The following LMTK2 variants were observed in gnomAD, a reference collection of about 807,000 sequenced individuals.
LMTK2 encodes the protein serine/threonine-protein kinase LMTK2.
In LMTK2, 37 loss-of-function variants were observed where a neutral mutation model predicts 127.5. The observed-to-expected ratio is 0.29, with a 90% CI of 0.22 to 0.38. LMTK2 has a LOEUF of 0.38. Among genes scored for constraint, LMTK2 ranks in the 10% least tolerant of loss-of-function variants. LMTK2 has a pLI of 1.00. For missense variants in LMTK2, 1,694 were observed against 1,920.3 expected, an observed-to-expected ratio of 0.88 and a Z score of 2.20; for synonymous variants, 819 against 810.1, an observed-to-expected ratio of 1.01 and a Z score of -0.19.
chr7:98,162,861 A>C (rs1206465123), intron 6 of LMTK2, among the ~76,000 whole-genome samples: 3 of 152,240 alleles, frequency 2.0e-5, no homozygotes, highest in South Asian at 4.1e-4. Context: ...CACTATTCAC[A>C]GTAGCTGGGA....
intron 1 of LMTK2, among the ~76,000 whole-genome samples, chr7:98,110,394 G>A (rs1043640119): frequency 2.0e-5 from 3 of 152,024 alleles, no homozygotes; most frequent in Non-Finnish European, 2.9e-5. Context: ...CGCCCGCCCC[G>A]TCTAGGAGCC....
intron 1 of LMTK2, among the ~76,000 whole-genome samples, chr7:98,135,966 C>A (rs1377090376): frequency 6.6e-6 from 1 of 151,888 alleles, no homozygotes; most frequent in African/African-American, 2.4e-5. Flanking sequence ...CTGTAGTCTG[C>A]AGGCCGCCTC....
intron 11 of LMTK2, among the ~76,000 whole-genome samples, chr7:98,199,864 T>C (rs1270147728): frequency 6.6e-6 from 1 of 152,224 alleles, no homozygotes; most frequent in East Asian, 1.9e-4. Flanking sequence ...CCTGTATCAT[T>C]ATATTTGACA....
intron 1 of LMTK2, among the ~76,000 whole-genome samples, chr7:98,112,636 C>T (rs1796218850): frequency 6.6e-6 from 1 of 152,114 alleles, no homozygotes; most frequent in Non-Finnish European, 1.5e-5. Flanking sequence ...AGGTACAGTG[C>T]CCAGTCCTTG....
intron 7 of LMTK2, among the ~76,000 whole-genome samples, chr7:98,173,456 T>A (rs1797225282): frequency 6.6e-6 from 1 of 152,162 alleles, no homozygotes; most frequent in Non-Finnish European, 1.5e-5. Context: ...CTAGCATAAT[T>A]TATATTGTTA....
Position 98,203,993 on chromosome 7 carries a change from A to G in LMTK2, c.4290A>G (p.Ser1430=). 1.9e-6 allele frequency: 3 copies of G among 1,614,094 alleles called. No individual in the cohort carries two copies. Among genetic ancestry groups the G allele is most frequent in the South Asian group, 2.2e-5 (2 of 91,078 alleles). ...ACTTCTCCCCAGATCCTTTTATGTC[A>G]AAGACAACAAGTAACCTGCTCAGCT... is the stretch of plus-strand genomic sequence containing the variant. The part of the protein sequence containing the change: ...DDDFSPDPFM[S]KTTSNLLSSK... Residue 1430 remains serine (S), a synonymous_variant, in exon 13 of 14, where the codon TCA becomes TCG. Coordinates refer to ENST00000297293, the MANE Select transcript of LMTK2 (RefSeq NM_014916.4).
At chr7:98,169,169 C>T (rs1483395265) in intron 6 of LMTK2, among the ~76,000 whole-genome samples, 1 of 152,216 alleles carries the variant, frequency 6.6e-6, no homozygotes, top group African/African-American at 2.4e-5. Context: ...CAATCCATGA[C>T]AAGTCTCAAC....
chr7:98,124,131 C>T (rs145960387), intron 1 of LMTK2, among the ~76,000 whole-genome samples: 1 of 152,144 alleles, frequency 6.6e-6, no homozygotes, highest in Non-Finnish European at 1.5e-5. Context: ...ACTTGAAAGT[C>T]TGTTCCTCTT....
At chr7:98,133,523 G>A (rs1436491823) in intron 1 of LMTK2, among the ~76,000 whole-genome samples, 3 of 149,846 alleles carry the variant, frequency 2.0e-5, no homozygotes, top group African/African-American at 7.4e-5. Flanking sequence ...TTTTTTTATA[G>A]CACAGTGCTT....
intron 9 of LMTK2, among the ~76,000 whole-genome samples, chr7:98,189,279 C>G (rs1797484384): frequency 6.6e-6 from 1 of 152,200 alleles, no homozygotes; most frequent in Admixed American, 6.5e-5. Flanking sequence ...TTCCTGGCTG[C>G]GCCTGCCAGG....
At position 98,171,567 on chromosome 7, in the gene LMTK2, C is replaced by G; in HGVS notation, c.684C>G (p.Ser228Arg). Residue 228 changes from serine (S) to arginine (R), a missense_variant, in exon 7 of 14, where the codon AGC becomes AGG. Coordinates refer to ENST00000297293, the MANE Select transcript of LMTK2 (RefSeq NM_014916.4). This position sits in a 1 kb window ranked among gnomAD's most constrained non-coding sequence, Gnocchi z 5.1. ...DLGDLKAYLR[S>R]EQEHMRGDSQ... ...GTGACCTGAAGGCGTATCTGCGCAG[C>G]GAGCAGGAGCACATGCGGGGGGACT... The G allele has an allele frequency of 1.2e-6, 2 of 1,613,946 alleles. No homozygotes were observed. Among genetic ancestry groups the G allele is most frequent in the Non-Finnish European group, 1.7e-6 (2 of 1,180,024 alleles).
At chr7:98,128,012 C>T (rs1301258317) in intron 1 of LMTK2, among the ~76,000 whole-genome samples, 1 of 152,082 alleles carries the variant, frequency 6.6e-6, no homozygotes, top group Non-Finnish European at 1.5e-5. Flanking sequence ...GGTGCGGTAG[C>T]AGGTGCCTAT....
intron 1 of LMTK2, among the ~76,000 whole-genome samples, chr7:98,116,789 C>T (rs1011680949): frequency 6.6e-6 from 1 of 152,052 alleles, no homozygotes; most frequent in Non-Finnish European, 1.5e-5. Flanking sequence ...TTTTCTCTTC[C>T]AGGAAACCAC....
intron 10 of LMTK2, 77 bp downstream of exon 10, chr7:98,190,954 G>C: frequency 1.1e-5 from 15 of 1,380,648 alleles, no homozygotes; most frequent in Non-Finnish European, 1.5e-5. Flanking sequence ...AAATTCGTGG[G>C]CCAAATATTA....
At chr7:98,176,364 A>G (rs2116433862) in intron 7 of LMTK2, among the ~76,000 whole-genome samples, 1 of 152,326 alleles carries the variant, frequency 6.6e-6, no homozygotes, top group South Asian at 2.1e-4. Context: ...ACTTAATAGC[A>G]ATATCATGCT....
At chr7:98,152,873 C>T (rs1562907006) in intron 4 of LMTK2, among the ~76,000 whole-genome samples, 2 of 152,012 alleles carry the variant, frequency 1.3e-5, no homozygotes, top group East Asian at 3.9e-4. Context: ...TGGATGCTAG[C>T]GGTGGAGGTG....
intron 1 of LMTK2, among the ~76,000 whole-genome samples, chr7:98,122,675 A>G (rs968238691): frequency 1.4e-5 from 2 of 142,488 alleles, no homozygotes; most frequent in Admixed American, 7.3e-5. Flanking sequence ...ATAACTCTAC[A>G]TGGTGTGTGT....
intron 11 of LMTK2, among the ~76,000 whole-genome samples, chr7:98,201,144 C>CT (rs1797698894): frequency 6.6e-6 from 1 of 151,832 alleles, no homozygotes; most frequent in Non-Finnish European, 1.5e-5. Flanking sequence ...CCTGTTTTCT[C>CT]TGAGTGTAGA....
chr7:98,177,878 C>T (rs140556032), intron 7 of LMTK2, among the ~76,000 whole-genome samples: 7 of 152,334 alleles, frequency 4.6e-5, no homozygotes, highest in Non-Finnish European at 8.8e-5. Flanking sequence ...TGTGCTTTAT[C>T]GGAATCCTCT....
Sources: allele counts gnomAD v4.1 joint callset (sites outside exome capture counted in the v4.1 genomes callset), GRCh38; gene constraint gnomAD v4.1.1; non-coding constraint Gnocchi (gnomAD v3.1); transcripts MANE v1.5; gene names NCBI Gene and HGNC (gene_info 2026-07-23, HGNC 2026-07-21).